Variants in ALKBH4 observed in about 807,000 individuals in gnomAD.
ALKBH4 encodes the protein alkB homolog 4, lysine demethylase.
ALKBH4 carries 8 observed loss-of-function variants against 12.1 expected under a neutral mutation model. That is an observed-to-expected ratio of 0.66 (90% CI 0.39 to 1.19). ALKBH4 has a LOEUF of 1.19. Among genes scored for constraint, ALKBH4 ranks in the 50% most tolerant of loss-of-function variants. The pLI is 0.01. For synonymous variants in ALKBH4, 195 were observed against 191.6 expected, an observed-to-expected ratio of 1.02 and a Z score of -0.15; for missense variants, 403 against 430.4, an observed-to-expected ratio of 0.94 and a Z score of 0.56.
At chr7:102,459,237 G>A (rs565594973) in intron 2 of ALKBH4, among the ~76,000 whole-genome samples, 2 of 151,494 alleles carry the variant, frequency 1.3e-5, no homozygotes, top group Non-Finnish European at 3.0e-5. Flanking sequence ...AGGGAGCGGC[G>A]GGCCCGGGGA....
At chr7:102,459,997 T>A (rs1797757237) in intron 1 of ALKBH4, among the ~76,000 whole-genome samples, 196 bp from the exon 2 acceptor site, 1 of 151,726 alleles carries the variant, frequency 6.6e-6, no homozygotes, top group Non-Finnish European at 1.5e-5. Context: ...CTACTAAAAA[T>A]ACAAAAATTA....
At position 102,463,833 on chromosome 7, in the gene ALKBH4, G is replaced by A. The variant is rs543888265; in HGVS notation, c.123+881C>T. ...GCCATGCTGTTTCCATAGGACCTTG[G>A]GCACTTTTACCATGGACGTTGGGGC... On this transcript the variant is annotated intron_variant, in intron 1 of 2. Transcript: ENST00000292566. Among the ~76,000 whole-genome samples the A allele has an allele frequency of 3.3e-5, 5 of 152,280 alleles. No homozygotes were observed. The South Asian group carries it at 1.0e-3, about 32-fold the overall frequency.
chr7:102,462,071 G>A (rs184070575), intron 1 of ALKBH4, among the ~76,000 whole-genome samples: 5 of 152,332 alleles, frequency 3.3e-5, no homozygotes, highest in African/African-American at 9.6e-5. Context: ...GCCCTCCCAC[G>A]GGAAACATTA....
Position 102,458,796 on chromosome 7 carries a change from C to T in ALKBH4, c.321+808G>A, listed in dbSNP as rs565111264. On this transcript the variant is annotated intron_variant, in intron 2 of 2. Transcript: ENST00000292566. ...CAACAGCCAAAAAGTGACAACAACG[C>T]CAATGTCCATCGACAGATGAATGAG... Among the ~76,000 whole-genome samples the T allele has an allele frequency of 3.4e-4, 51 of 150,500 alleles. 1 individual carries two copies. Among genetic ancestry groups the T allele is most frequent in the African/African-American group, 1.2e-3 (50 of 41,130 alleles).
At chr7:102,463,822 A>G (rs1375985443) in intron 1 of ALKBH4, among the ~76,000 whole-genome samples, 1 of 152,216 alleles carries the variant, frequency 6.6e-6, no homozygotes, top group East Asian at 1.9e-4. Context: ...TGCTGTTTCC[A>G]TAGGACCTTG....
intron 1 of ALKBH4, among the ~76,000 whole-genome samples, chr7:102,464,150 T>C (rs1190123887): frequency 6.6e-6 from 1 of 151,974 alleles, no homozygotes; most frequent in Non-Finnish European, 1.5e-5. Context: ...CCAACCACAG[T>C]CCTTCCATGC....
chr7:102,460,024 G>A (rs554628234), intron 1 of ALKBH4, among the ~76,000 whole-genome samples: 5 of 152,116 alleles, frequency 3.3e-5, no homozygotes, highest in African/African-American at 9.6e-5. Flanking sequence ...CATGGTGGCA[G>A]GTGCCTGTAA....
chr7:102,460,239 C>A (rs1797763571), intron 1 of ALKBH4, among the ~76,000 whole-genome samples: 1 of 149,898 alleles, frequency 6.7e-6, no homozygotes, highest in Non-Finnish European at 1.5e-5. Context: ...GCGGGAGGAT[C>A]ATTTGAGCCC....
intron 2 of ALKBH4, among the ~76,000 whole-genome samples, chr7:102,458,479 G>T (rs976218167): frequency 6.6e-6 from 1 of 152,174 alleles, no homozygotes; most frequent in Non-Finnish European, 1.5e-5. Context: ...TGAGGTGAGA[G>T]GACTGTTGGA....
intron 1 of ALKBH4, among the ~76,000 whole-genome samples, chr7:102,463,749 A>G (rs1251606555): frequency 6.6e-6 from 1 of 152,198 alleles, no homozygotes; most frequent in Non-Finnish European, 1.5e-5. Flanking sequence ...TCCTTTGGAT[A>G]TATACCCAGA....
chr7:102,461,610 G>A (rs1248340431), intron 1 of ALKBH4, among the ~76,000 whole-genome samples: 5 of 152,076 alleles, frequency 3.3e-5, no homozygotes, highest in East Asian at 1.9e-4. Context: ...TGATCCTCCC[G>A]CCTTGGCCTC....
At position 102,463,626 on chromosome 7, in the gene ALKBH4, G is replaced by A. The variant is rs540166233; in HGVS notation, c.123+1088C>T. On this transcript the variant is annotated intron_variant, in intron 1 of 2. Transcript: ENST00000292566. Reference sequence around the variant, plus strand: ...ATTACAGGCGTGAGCCACTGAACCCGGCCCAGGTATCTTGATAGATGCTTG... The same window carrying A: ...ATTACAGGCGTGAGCCACTGAACCCAGCCCAGGTATCTTGATAGATGCTTG... 1.0e-3 allele frequency among the ~76,000 whole-genome samples: 152 copies of A among 152,248 alleles called. 3 individuals are homozygous for A. Among genetic ancestry groups the A allele is most frequent in the South Asian group, 9.1e-3 (44 of 4,826 alleles).
At chr7:102,463,890 T>A (rs1210204179) in intron 1 of ALKBH4, among the ~76,000 whole-genome samples, 2 of 152,198 alleles carry the variant, frequency 1.3e-5, no homozygotes, top group African/African-American at 4.8e-5. Context: ...CTCCACACCT[T>A]CATATCTGCC....
Position 102,457,479 on chromosome 7 carries a change from G to A in ALKBH4, c.824C>T (p.Ala275Val). ...CTGCCTCCCTCCAGGGCCAAACTCA[G>A]CCGACAGCTCCCGGAAAGTGACGCA... ...RVCVTFRELS[A>V]EFGPGGRQQE... Residue 275 changes from alanine (A) to valine (V), a missense_variant, in exon 3 of 3, where the codon GCT becomes GTT. Physicochemically the swap from Ala to Val is moderately conservative, Grantham distance 64. Transcript: ENST00000292566. This position sits in a 1 kb window ranked among gnomAD's most constrained non-coding sequence, Gnocchi z 5.9. The A allele has an allele frequency of 2.5e-6, 4 of 1,613,512 alleles. No homozygotes were observed. The highest frequency in any genetic ancestry group is 3.4e-6 in the Non-Finnish European group (4 of 1,180,036).
chr7:102,461,651 C>T (rs898460539), intron 1 of ALKBH4, among the ~76,000 whole-genome samples: 9 of 152,206 alleles, frequency 5.9e-5, no homozygotes, highest in Non-Finnish European at 1.2e-4. Flanking sequence ...GCGTGAACCA[C>T]CATGCCCAGC....
chr7:102,460,394 T>G (rs1374252623), intron 1 of ALKBH4, among the ~76,000 whole-genome samples: 1 of 151,064 alleles, frequency 6.6e-6, no homozygotes, highest in East Asian at 1.9e-4. Flanking sequence ...GGCACTTGTG[T>G]GCCCTCAGGA....
Position 102,461,881 on chromosome 7 carries a change from G to A in ALKBH4, c.124-2080C>T, listed in dbSNP as rs567957372. On this transcript the variant is annotated intron_variant, in intron 1 of 2. Coordinates refer to ENST00000292566, the MANE Select transcript of ALKBH4 (RefSeq NM_017621.4). The stretch of plus-strand genomic sequence containing the variant: ...AACTCAGCCCTGGGCTCTGTGGCCT[G>A]TCTCCTCTTCCTCTTCCATCTCCAG... 3.3e-5 allele frequency among the ~76,000 whole-genome samples: 5 copies of A among 152,234 alleles called. No individual in the cohort carries two copies. The South Asian group carries it at 1.0e-3, about 32-fold the overall frequency.
Position 102,457,249 on chromosome 7 carries a change from A to AACCTGCTCCTG in ALKBH4, c.*134_*144dup. ...CTGCCTGGAGGTACGTTCCCATCAA[A>AACCTGCTCCTG]ACCTGCTCCTGGGCAGGGCTCACAC... On this transcript the variant is annotated 3_prime_UTR_variant, in exon 3 of 3. Coordinates refer to ENST00000292566, the MANE Select transcript of ALKBH4 (RefSeq NM_017621.4). This position sits in a 1 kb window ranked among gnomAD's most constrained non-coding sequence, Gnocchi z 5.9. 6 of 959,228 alleles carry AACCTGCTCCTG rather than the reference A, an allele frequency of 6.3e-6. No homozygotes were observed. Among genetic ancestry groups the AACCTGCTCCTG allele is most frequent in the Non-Finnish European group, 7.6e-6 (5 of 655,598 alleles). The allele number at this position is 959,228 out of a possible 1,614,324, so 59.4% of individuals were successfully genotyped here.
At position 102,457,489 on chromosome 7, in the gene ALKBH4, C is replaced by T; in HGVS notation, c.814G>A (p.Glu272Lys). The T allele has an allele frequency of 6.2e-7, 1 of 1,613,536 alleles. No homozygotes were observed. The highest frequency in any genetic ancestry group is 8.5e-7 in the Non-Finnish European group (1 of 1,180,040). The change falls in exon 3 of 3, where the codon GAG (glutamate) becomes AAG (lysine). Residue 272 changes from glutamate (E) to lysine (K), a missense_variant. By Grantham distance (56) the Glu-to-Lys change is moderately conservative (BLOSUM62 1). Transcript: ENST00000292566. This position sits in a 1 kb window ranked among gnomAD's most constrained non-coding sequence, Gnocchi z 5.9. Reference sequence around the variant, plus strand: ...CCAGGGCCAAACTCAGCCGACAGCTCCCGGAAAGTGACGCAGACGCGGCGG... The same window carrying T: ...CCAGGGCCAAACTCAGCCGACAGCTTCCGGAAAGTGACGCAGACGCGGCGG... ...EARRVCVTFRELSAEFGPGGR... is the reference protein window; with the variant it reads ...EARRVCVTFRKLSAEFGPGGR...
Sources: gnomAD v4.1 joint callset for allele counts (sites outside exome capture counted in the v4.1 genomes callset) on GRCh38, gnomAD v4.1.1 for gene constraint, Gnocchi (gnomAD v3.1) non-coding constraint, MANE v1.5 for transcripts, NCBI Gene and HGNC (gene_info 2026-07-23, HGNC 2026-07-21) for gene names.